Variants in TEX36 observed in about 807,000 individuals in gnomAD.
The protein encoded by TEX36 is testis expressed 36.
In TEX36, 12 loss-of-function variants were observed where a neutral mutation model predicts 13.6. That is an observed-to-expected ratio of 0.88 (90% CI 0.56 to 1.43). TEX36 has a LOEUF of 1.43. TEX36 is among the 40% of genes most tolerant of loss of function. The pLI is 0.00. For missense variants in TEX36, 224 were observed against 228.3 expected (o/e 0.98, Z 0.12); for synonymous variants, 93 against 83.0 (o/e 1.12, Z -0.65).
chr10:125,613,370 G>A lies in TEX36; in HGVS notation c.265-36496C>T, dbSNP rs1011960137. 5.1e-4 allele frequency among the ~76,000 whole-genome samples: 76 copies of A among 149,870 alleles called. 2 individuals are homozygous for A. Among genetic ancestry groups the A allele is most frequent in the Non-Finnish European group, 1.9e-4 (13 of 67,656 alleles). ...ACGTATACATGTGCCATGCTGGGGC[G>A]CTGCACCCACTAACTCGTCATCTAG... is the stretch of plus-strand genomic sequence containing the variant. On this transcript the variant is annotated intron_variant, in intron 3 of 3. Coordinates refer to the TEX36 transcript ENST00000532135.
At chr10:125,637,452 T>C (rs1258328351) in intron 3 of TEX36, among the ~76,000 whole-genome samples, 1 of 152,252 alleles carries the variant, frequency 6.6e-6, no homozygotes, top group African/African-American at 2.4e-5. Flanking sequence ...CCATTGTATG[T>C]ATGTACCACA....
intron 3 of TEX36, among the ~76,000 whole-genome samples, chr10:125,601,622 GGGA>G (rs1201892759): frequency 6.6e-6 from 1 of 152,224 alleles, no homozygotes; most frequent in Non-Finnish European, 1.5e-5. Flanking sequence ...AGAAAGTTTG[GGGA>G]GAAGATGGTG....
At chr10:125,625,160 A>G (rs1328216419) in intron 3 of TEX36, among the ~76,000 whole-genome samples, 1 of 152,198 alleles carries the variant, frequency 6.6e-6, no homozygotes, top group African/African-American at 2.4e-5. Flanking sequence ...GGACACGCAG[A>G]CGATATGCGT....
chr10:125,586,773 A>C (rs1845957820), intron 3 of TEX36, among the ~76,000 whole-genome samples: 1 of 151,898 alleles, frequency 6.6e-6, no homozygotes, highest in African/African-American at 2.4e-5. Flanking sequence ...TCTGGGCTCC[A>C]AAATGAGACC....
chr10:125,586,011 C>T (rs910165990), intron 3 of TEX36, among the ~76,000 whole-genome samples: 1 of 152,154 alleles, frequency 6.6e-6, no homozygotes, highest in Non-Finnish European at 1.5e-5. Flanking sequence ...GCACAGAAGC[C>T]CTGACTTGTG....
At chr10:125,654,955 G>A (rs778367604), downstream of TEX36, among the ~76,000 whole-genome samples, 1 of 152,172 alleles carries the variant, frequency 6.6e-6, no homozygotes, top group African/African-American at 2.4e-5. Context: ...CATGTATCCA[G>A]AGAGGCTGAT....
chr10:125,611,213 A>G (rs570712551), intron 3 of TEX36, among the ~76,000 whole-genome samples: 31 of 152,318 alleles, frequency 2.0e-4, no homozygotes, highest in Non-Finnish European at 4.0e-4. Context: ...CTTTGTACAC[A>G]TGCATATTGA....
chr10:125,608,028 C>T (rs929647275), intron 3 of TEX36, among the ~76,000 whole-genome samples: 19 of 152,170 alleles, frequency 1.2e-4, no homozygotes, highest in Admixed American at 6.5e-4. Flanking sequence ...GTCATAGGAG[C>T]AGCTACGGTC....
chr10:125,628,560 G>A (rs554678394), intron 3 of TEX36, among the ~76,000 whole-genome samples: 17 of 152,306 alleles, frequency 1.1e-4, no homozygotes, highest in Admixed American at 2.6e-4. Flanking sequence ...TTTCTCTCCC[G>A]ATGATGATAA....
intron 1 of TEX36, among the ~76,000 whole-genome samples, chr10:125,662,634 C>A (rs1376656690): frequency 1.3e-5 from 2 of 152,118 alleles, no homozygotes; most frequent in African/African-American, 4.8e-5. Context: ...CCAACAAGGG[C>A]CTCTGTTGAC....
At chr10:125,629,037 A>G (rs967210793) in intron 3 of TEX36, among the ~76,000 whole-genome samples, 2 of 152,264 alleles carry the variant, frequency 1.3e-5, no homozygotes, top group Non-Finnish European at 2.9e-5. Context: ...TTGCCCAGTC[A>G]TATGACTTAC....
chr10:125,670,706 T>C (rs1363737624), intron 1 of TEX36, among the ~76,000 whole-genome samples: 1 of 152,220 alleles, frequency 6.6e-6, no homozygotes, highest in Non-Finnish European at 1.5e-5. Flanking sequence ...AATTTTCTTC[T>C]AGGGTTTTTA....
At chr10:125,649,794 G>A (rs530742555) in intron 3 of TEX36, among the ~76,000 whole-genome samples, 27 of 152,266 alleles carry the variant, frequency 1.8e-4, no homozygotes, top group African/African-American at 6.3e-4. Flanking sequence ...ACAAAGGGAT[G>A]AAGGAAGATC....
intron 3 of TEX36, among the ~76,000 whole-genome samples, chr10:125,639,194 G>A (rs1379981789): frequency 6.6e-6 from 1 of 152,164 alleles, no homozygotes; most frequent in African/African-American, 2.4e-5. Context: ...TAATTGTTCT[G>A]TGAGATAATA....
chr10:125,653,222 G>A (rs1176732055), downstream of TEX36, among the ~76,000 whole-genome samples: 1 of 152,094 alleles, frequency 6.6e-6, no homozygotes, highest in African/African-American at 2.4e-5. Context: ...CAATAGCAAA[G>A]ACTTGGAACC....
At chr10:125,602,977 G>C (rs1204981414) in intron 3 of TEX36, among the ~76,000 whole-genome samples, 2 of 152,128 alleles carry the variant, frequency 1.3e-5, no homozygotes, top group Non-Finnish European at 2.9e-5. Flanking sequence ...TGTCCTCTCC[G>C]GGGCTTGGGA....
chr10:125,587,077 T>C (rs977503768), intron 3 of TEX36, among the ~76,000 whole-genome samples: 2 of 152,220 alleles, frequency 1.3e-5, no homozygotes, highest in East Asian at 3.8e-4. Flanking sequence ...TCCATCACGA[T>C]TGTAAGTTTC....
At chr10:125,625,745 G>C (rs559066525) in intron 3 of TEX36, among the ~76,000 whole-genome samples, 35 of 152,336 alleles carry the variant, frequency 2.3e-4, no homozygotes, top group African/African-American at 8.2e-4. Flanking sequence ...CCCCAGAGGC[G>C]CAGCCCTGGA....
intron 3 of TEX36, among the ~76,000 whole-genome samples, chr10:125,625,097 C>G (rs1846471197): frequency 6.6e-6 from 1 of 152,204 alleles, no homozygotes; most frequent in African/African-American, 2.4e-5. Context: ...GACTCTTGCA[C>G]CTCCCCAGTA....
Sources: allele counts gnomAD v4.1 joint callset (sites outside exome capture counted in the v4.1 genomes callset), GRCh38; gene constraint gnomAD v4.1.1; transcripts MANE v1.5; gene names NCBI Gene and HGNC (gene_info 2026-07-23, HGNC 2026-07-21).